The following EBF3 variants were observed in gnomAD, a reference collection of about 807,000 sequenced individuals.
The protein encoded by EBF3 is transcription factor COE3.
Under a neutral mutation model 77.1 loss-of-function variants are expected in EBF3, and 18 were observed. The ratio of observed to expected loss-of-function variants is 0.23; its 90% CI spans 0.16 to 0.35. The LOEUF (loss-of-function observed/expected upper bound fraction) is 0.35. Ranked by LOEUF, EBF3 falls within the 10% of genes least tolerant of loss-of-function variation. The pLI is 1.00. For synonymous variants in EBF3, 350 were observed against 343.5 expected, an observed-to-expected ratio of 1.02 and a Z score of -0.21; for missense variants, 558 against 860.0, an observed-to-expected ratio of 0.65 and a Z score of 4.39.
chr10:129,859,740 C>T (rs753738793), intron 10 of EBF3, among the ~76,000 whole-genome samples: 1 of 152,230 alleles, frequency 6.6e-6, no homozygotes, highest in African/African-American at 2.4e-5. Context: ...GCGGGGCACA[C>T]GCTGGAGCGA....
chr10:129,858,117 C>T (rs917239920), intron 10 of EBF3, among the ~76,000 whole-genome samples: 1 of 152,184 alleles, frequency 6.6e-6, no homozygotes, highest in Non-Finnish European at 1.5e-5. Context: ...ACAGCAAAGC[C>T]AGGGCATGGC....
chr10:129,869,970 G>A (rs1310109014), intron 8 of EBF3, among the ~76,000 whole-genome samples: 1 of 144,258 alleles, frequency 6.9e-6, no homozygotes, highest in African/African-American at 2.6e-5. Context: ...CATCAGCACA[G>A]CCAATTATGG....
chr10:129,843,108 ATGG>A, intron 12 of EBF3, 26 bp downstream of exon 12: 1 of 1,603,506 alleles, frequency 6.2e-7, no homozygotes, highest in South Asian at 1.1e-5. Context: ...GGGGGGGAGG[ATGG>A]GCGAGGGGAG....
At chr10:129,920,787 C>T (rs924919556) in intron 6 of EBF3, among the ~76,000 whole-genome samples, 2 of 152,194 alleles carry the variant, frequency 1.3e-5, no homozygotes, top group African/African-American at 4.8e-5. Context: ...CCATGAAGGA[C>T]CATGATGGCT....
chr10:129,908,729 C>T (rs796066554), intron 6 of EBF3, among the ~76,000 whole-genome samples: 22 of 152,344 alleles, frequency 1.4e-4, no homozygotes, highest in African/African-American at 5.1e-4. Context: ...TGGACACAGG[C>T]CAGCTATGCA....
chr10:129,871,624 T>C (rs76847555), intron 8 of EBF3, among the ~76,000 whole-genome samples: 9,077 of 152,164 alleles, frequency 0.06, 569 homozygotes, highest in East Asian at 0.29. Context: ...GGGACAAATA[T>C]GCGCAGACTT....
At chr10:129,911,787 T>C (rs1220375699) in intron 6 of EBF3, among the ~76,000 whole-genome samples, 1 of 152,166 alleles carries the variant, frequency 6.6e-6, no homozygotes, top group African/African-American at 2.4e-5. Context: ...TACTCCAAGC[T>C]GGGAAGCCCA....
chr10:129,884,177 G>T (rs1853409071), intron 6 of EBF3, among the ~76,000 whole-genome samples: 1 of 152,206 alleles, frequency 6.6e-6, no homozygotes, highest in Admixed American at 6.5e-5. Context: ...CAGCTGTGGT[G>T]TGTGCACACC....
intron 10 of EBF3, among the ~76,000 whole-genome samples, chr10:129,866,587 C>T (rs559757032): frequency 6.6e-6 from 1 of 152,330 alleles, no homozygotes; most frequent in South Asian, 2.1e-4. Flanking sequence ...TCAAAGAATA[C>T]GGATCTCCTT....
chr10:129,924,639 C>T (rs2134379287), intron 6 of EBF3, among the ~76,000 whole-genome samples: 2 of 152,226 alleles, frequency 1.3e-5, no homozygotes, highest in South Asian at 4.1e-4. Flanking sequence ...AAGAGAATTG[C>T]AAGCCAGGTT....
Position 129,861,726 on chromosome 10 carries a change from A to T in EBF3, c.1039+5415T>A, listed in dbSNP as rs1851653761. 6.6e-6 allele frequency among the ~76,000 whole-genome samples: 1 copy of T among 152,196 alleles called. No homozygotes were observed. Among genetic ancestry groups the T allele is most frequent in the South Asian group, 2.1e-4 (1 of 4,824 alleles). ...ATGATGAGAGTCACTGACAGAATTG[A>T]GCCAAAGATTCCCCAAACTCCAGGA... On this transcript the variant is annotated intron_variant, in intron 10 of 16. Coordinates refer to ENST00000440978, the MANE Select transcript of EBF3 (RefSeq NM_001375380.1). The surrounding 1 kb of genome is among the most constrained non-coding windows in gnomAD (Gnocchi z 4.3).
intron 10 of EBF3, among the ~76,000 whole-genome samples, chr10:129,865,184 GC>G (rs999039273): frequency 1.3e-5 from 2 of 152,180 alleles, no homozygotes; most frequent in African/African-American, 4.8e-5. Flanking sequence ...CCGGCAAGGT[GC>G]CAGAAAGGAC....
intron 6 of EBF3, among the ~76,000 whole-genome samples, chr10:129,940,496 G>A (rs999963927): frequency 6.6e-6 from 1 of 152,198 alleles, no homozygotes; most frequent in Non-Finnish European, 1.5e-5. Flanking sequence ...CTTCCCAGCT[G>A]AGTGACCTCA....
intron 6 of EBF3, among the ~76,000 whole-genome samples, chr10:129,895,676 C>G (rs577349832): frequency 3.9e-5 from 6 of 152,222 alleles, no homozygotes; most frequent in Non-Finnish European, 8.8e-5. Flanking sequence ...GCTTCTCCAC[C>G]TGGGACAAGG....
chr10:129,896,323 G>T (rs533013168), intron 6 of EBF3, among the ~76,000 whole-genome samples: 1 of 152,364 alleles, frequency 6.6e-6, no homozygotes, highest in East Asian at 1.9e-4. Flanking sequence ...AGCTCAGCTG[G>T]TGCTGGGAAG....
intron 6 of EBF3, among the ~76,000 whole-genome samples, chr10:129,916,558 A>G (rs1028192070): frequency 2.0e-5 from 3 of 152,200 alleles, no homozygotes; most frequent in African/African-American, 7.2e-5. Flanking sequence ...GTGGAGTTGA[A>G]GGCACTCCAG....
chr10:129,906,437 C>T (rs1855149486), intron 6 of EBF3, among the ~76,000 whole-genome samples: 1 of 152,210 alleles, frequency 6.6e-6, no homozygotes, highest in African/African-American at 2.4e-5. Flanking sequence ...TTTCCGCGCC[C>T]TGTACAGGAG....
At chr10:129,846,051 T>A (rs1350427423) in intron 11 of EBF3, among the ~76,000 whole-genome samples, 1 of 151,418 alleles carries the variant, frequency 6.6e-6, no homozygotes, top group African/African-American at 2.4e-5. Flanking sequence ...TCCCTTCCAA[T>A]CTCTATTTTT....
At chr10:129,839,521 C>T (rs752464030) in intron 15 of EBF3, among the ~76,000 whole-genome samples, 23 of 152,080 alleles carry the variant, frequency 1.5e-4, no homozygotes, top group Non-Finnish European at 3.2e-4. Flanking sequence ...CAGCTGTGCC[C>T]TCGGGGCCGG....
Sources: allele counts gnomAD v4.1 joint callset (sites outside exome capture counted in the v4.1 genomes callset), GRCh38; gene constraint gnomAD v4.1.1; non-coding constraint Gnocchi (gnomAD v3.1); transcripts MANE v1.5; gene names NCBI Gene and HGNC (gene_info 2026-07-23, HGNC 2026-07-21).